Variants in CNTNAP2 observed in about 807,000 individuals in gnomAD.
The protein encoded by CNTNAP2 is contactin-associated protein-like 2.
Under a neutral mutation model 155.2 loss-of-function variants are expected in CNTNAP2, and 98 were observed. The observed-to-expected ratio is 0.63, with a 90% CI of 0.54 to 0.75. The LOEUF (loss-of-function observed/expected upper bound fraction) is 0.75. Ranked by LOEUF, CNTNAP2 falls within the 30% of genes least tolerant of loss-of-function variation. CNTNAP2 has a pLI of 0.00. For missense variants in CNTNAP2, 1,727 were observed against 1,688.1 expected, an observed-to-expected ratio of 1.02 and a Z score of -0.40; for synonymous variants, 651 against 631.2, an observed-to-expected ratio of 1.03 and a Z score of -0.47.
chr7:146,151,509 GGATT>G (rs1562968794), intron 1 of CNTNAP2, among the ~76,000 whole-genome samples: 1 of 148,954 alleles, frequency 6.7e-6, no homozygotes, highest in East Asian at 2.0e-4. Flanking sequence ...TCCTGTGCCT[GGATT>G]ATTTCCCTTA....
At chr7:147,668,105 TGAG>T (rs369847287) in intron 13 of CNTNAP2, among the ~76,000 whole-genome samples, 130 of 152,068 alleles carry the variant, frequency 8.5e-4, no homozygotes, top group Middle Eastern at 3.4e-3. Flanking sequence ...AATTGACTAA[TGAG>T]GAGTTGTTGG....
intron 3 of CNTNAP2, among the ~76,000 whole-genome samples, chr7:146,978,780 A>T (rs550182948): frequency 1.4e-3 from 214 of 152,004 alleles, no homozygotes; most frequent in Non-Finnish European, 2.8e-3. Flanking sequence ...TGAGTATTAC[A>T]TGTTAATCTC....
At chr7:146,602,376 T>A (rs1798963685) in intron 1 of CNTNAP2, among the ~76,000 whole-genome samples, 1 of 152,140 alleles carries the variant, frequency 6.6e-6, no homozygotes, top group African/African-American at 2.4e-5. Flanking sequence ...CATCTAATGT[T>A]GCAATAGGTG....
intron 1 of CNTNAP2, among the ~76,000 whole-genome samples, chr7:146,537,374 A>G (rs1229481763): frequency 6.6e-6 from 1 of 152,156 alleles, no homozygotes; most frequent in African/African-American, 2.4e-5. Flanking sequence ...TCTCCTAAAC[A>G]TATAATTTCT....
At chr7:146,279,429 A>AACAC (rs60178387) in intron 1 of CNTNAP2, among the ~76,000 whole-genome samples, 10,759 of 144,644 alleles carry the variant, frequency 0.074, 1,068 homozygotes, top group African/African-American at 0.23. Context: ...CATTTCCTTA[A>AACAC]ACACACACAC....
chr7:146,822,633 T>A (rs542029796), intron 2 of CNTNAP2, among the ~76,000 whole-genome samples: 1 of 149,264 alleles, frequency 6.7e-6, no homozygotes, highest in East Asian at 2.0e-4. Flanking sequence ...AAAACATTAC[T>A]TATCAAAATA....
intron 13 of CNTNAP2, among the ~76,000 whole-genome samples, chr7:147,642,925 T>A (rs184664220): frequency 6.6e-6 from 1 of 152,202 alleles, no homozygotes; most frequent in East Asian, 1.9e-4. Context: ...ATGAATAATA[T>A]ATAGCTTTAA....
At chr7:146,838,255 T>C (rs1159758690) in intron 2 of CNTNAP2, among the ~76,000 whole-genome samples, 1 of 152,208 alleles carries the variant, frequency 6.6e-6, no homozygotes, top group East Asian at 1.9e-4. Context: ...TTTATCTTAT[T>C]TTATGGATCA....
At chr7:147,457,528 G>T (rs6464805) in intron 10 of CNTNAP2, among the ~76,000 whole-genome samples, 1 of 151,688 alleles carries the variant, frequency 6.6e-6, no homozygotes, top group Non-Finnish European at 1.5e-5. Flanking sequence ...TTTATCTCCT[G>T]TCGTGAGACT....
At chr7:147,009,053 A>G (rs542126419) in intron 3 of CNTNAP2, among the ~76,000 whole-genome samples, 1 of 151,994 alleles carries the variant, frequency 6.6e-6, no homozygotes, top group South Asian at 2.1e-4. Context: ...GCTTTTCATT[A>G]AAAAATAGAA....
intron 3 of CNTNAP2, among the ~76,000 whole-genome samples, chr7:147,033,620 A>G (rs1380327663): frequency 6.6e-6 from 1 of 152,114 alleles, no homozygotes; most frequent in Non-Finnish European, 1.5e-5. Flanking sequence ...GAATTTGGAA[A>G]TGCACATTTA....
intron 10 of CNTNAP2, among the ~76,000 whole-genome samples, chr7:147,476,756 G>C (rs1194243331): frequency 1.3e-5 from 2 of 151,872 alleles, no homozygotes; most frequent in Non-Finnish European, 2.9e-5. Flanking sequence ...GCAAAAATCT[G>C]TTTTCTACTA....
chr7:147,577,750 T>A (rs1328237650), intron 12 of CNTNAP2, among the ~76,000 whole-genome samples: 1 of 151,974 alleles, frequency 6.6e-6, no homozygotes, highest in African/African-American at 2.4e-5. Flanking sequence ...AAAAATGAGT[T>A]AAATATCATC....
intron 1 of CNTNAP2, among the ~76,000 whole-genome samples, chr7:146,622,860 G>T (rs965218280): frequency 2.0e-5 from 3 of 151,384 alleles, no homozygotes; most frequent in African/African-American, 7.3e-5. Context: ...AGGAGGCTGA[G>T]ACAGGAGAAT....
intron 13 of CNTNAP2, among the ~76,000 whole-genome samples, chr7:147,874,149 T>C (rs1440331782): frequency 6.6e-6 from 1 of 152,128 alleles, no homozygotes; most frequent in Non-Finnish European, 1.5e-5. Context: ...AAGCTCTCAG[T>C]GGATCTACCA....
intron 10 of CNTNAP2, among the ~76,000 whole-genome samples, chr7:147,450,978 G>C (rs2116568382): frequency 6.6e-6 from 1 of 152,288 alleles, no homozygotes; most frequent in Middle Eastern, 3.4e-3. Context: ...TTAAATCCAG[G>C]CCAGACCCTT....
intron 9 of CNTNAP2, among the ~76,000 whole-genome samples, chr7:147,353,059 C>T (rs2116881608): frequency 6.7e-6 from 1 of 150,374 alleles, no homozygotes; most frequent in Non-Finnish European, 1.5e-5. Flanking sequence ...AACCGCAACT[C>T]TGTTTCAGCA....
intron 8 of CNTNAP2, among the ~76,000 whole-genome samples, chr7:147,259,456 G>T (rs1308277219): frequency 6.6e-6 from 1 of 151,668 alleles, no homozygotes; most frequent in Non-Finnish European, 1.5e-5. Context: ...ATGACATCAA[G>T]AAAAAGGGAG....
At chr7:147,622,593 G>A (rs1794883817) in intron 12 of CNTNAP2, among the ~76,000 whole-genome samples, 1 of 151,728 alleles carries the variant, frequency 6.6e-6, no homozygotes, top group African/African-American at 2.4e-5. Flanking sequence ...AATGATGATG[G>A]AAACACAACA....
Sources: gnomAD v4.1 joint callset for allele counts (sites outside exome capture counted in the v4.1 genomes callset) on GRCh38, gnomAD v4.1.1 for gene constraint, MANE v1.5 for transcripts, NCBI Gene and HGNC (gene_info 2026-07-23, HGNC 2026-07-21) for gene names.